Variants in SMC1B observed in about 807,000 individuals in gnomAD.
The protein encoded by SMC1B is structural maintenance of chromosomes 1B, also known as structural maintenance of chromosomes protein 1B.
In SMC1B, 60 loss-of-function variants were observed where a neutral mutation model predicts 157.9. The ratio of observed to expected loss-of-function variants is 0.38; its 90% confidence interval spans 0.31 to 0.47. The LOEUF (loss-of-function observed/expected upper bound fraction) is 0.47. SMC1B is among the 20% of genes least tolerant of loss of function. The probability of loss-of-function intolerance (pLI) is 0.99; values close to 1 mark genes in which losing one functional copy is unlikely to be tolerated. For missense variants in SMC1B, 1,165 were observed against 1,426.2 expected, an observed-to-expected ratio of 0.82 and a Z score of 2.95; for synonymous variants, 445 against 483.0, an observed-to-expected ratio of 0.92 and a Z score of 1.03.
chr22:45,388,986 CAAAAA>C (rs371475132), intron 10 of SMC1B, among the ~76,000 whole-genome samples: 2 of 54,472 alleles, frequency 3.7e-5, no homozygotes, highest in African/African-American at 1.3e-4. Context: ...GACTCTGCCT[CAAAAA>C]AAAAAAAAAA....
intron 23 of SMC1B, among the ~76,000 whole-genome samples, chr22:45,345,893 A>G (rs970884777): frequency 6.6e-6 from 1 of 152,178 alleles, no homozygotes; most frequent in Non-Finnish European, 1.5e-5. Context: ...AGGGTGAAAA[A>G]GGGCTGGTAT....
chr22:45,360,404 T>C (rs1014231997), intron 17 of SMC1B, among the ~76,000 whole-genome samples: 1 of 151,476 alleles, frequency 6.6e-6, no homozygotes, highest in Non-Finnish European at 1.5e-5. Flanking sequence ...CTAATCGAAA[T>C]GATGTGAGAT....
At chr22:45,353,274 A>AAAAG (rs1399848387) in intron 21 of SMC1B, among the ~76,000 whole-genome samples, 1 of 109,172 alleles carries the variant, frequency 9.2e-6, no homozygotes, top group Non-Finnish European at 1.8e-5. Flanking sequence ...AAAAAAAAAA[A>AAAAG]AAAGAAAGAA....
intron 5 of SMC1B, among the ~76,000 whole-genome samples, chr22:45,400,177 C>T (rs562377984): frequency 2.6e-5 from 4 of 152,132 alleles, no homozygotes; most frequent in Non-Finnish European, 5.9e-5. Context: ...AACGAACACA[C>T]CTACCACCTA....
chr22:45,394,450 G>T (rs2087099288), intron 8 of SMC1B, among the ~76,000 whole-genome samples: 1 of 152,050 alleles, frequency 6.6e-6, no homozygotes, highest in Non-Finnish European at 1.5e-5. Context: ...GATCAGCCTG[G>T]GCAACATGGT....
intron 12 of SMC1B, among the ~76,000 whole-genome samples, chr22:45,380,812 G>A (rs1313294560): frequency 6.6e-6 from 1 of 152,142 alleles, no homozygotes; most frequent in East Asian, 1.9e-4. Context: ...TGTAGTCCCA[G>A]CTACTTGGGT....
chr22:45,413,247 G>A (rs2087373150), intron 1 of SMC1B, among the ~76,000 whole-genome samples: 1 of 152,080 alleles, frequency 6.6e-6, no homozygotes, highest in African/African-American at 2.4e-5. Context: ...CGGGACCCCT[G>A]AGGTGGACGG....
chr22:45,345,565 G>A lies in SMC1B; in HGVS notation c.3500C>T (p.Ser1167Leu). Reference sequence around the variant, plus strand: ...TTGAGTTTGCTCTTTGATGTAACTTGACACCTGGAAGAAATAAAAACACAC... The same window carrying A: ...TTGAGTTTGCTCTTTGATGTAACTTAACACCTGGAAGAAATAAAAACACAC... Reference protein sequence around the residue: ...ALDNTNIGKVSSYIKEQTQDQ... With the variant: ...ALDNTNIGKVLSYIKEQTQDQ... Residue 1167 changes from serine to leucine, a missense_variant, in exon 24 of 25, where the codon TCA becomes TTA. Transcript: ENST00000357450. 1.9e-6 allele frequency: 3 copies of A among 1,591,240 alleles called. No homozygotes were observed. The South Asian group carries it at 3.3e-5, about 18-fold the overall frequency.
chr22:45,358,943 T>G, intron 18 of SMC1B, 148 bp from the exon 19 acceptor site: 1 of 465,458 alleles, frequency 2.1e-6, no homozygotes, highest in Non-Finnish European at 3.8e-6. Flanking sequence ...ATAAAAAAGT[T>G]TGAAAGATTT....
intron 21 of SMC1B, 70 bp downstream of exon 21, chr22:45,353,908 A>C (rs905246119): frequency 2.5e-5 from 17 of 675,014 alleles, no homozygotes; most frequent in Admixed American, 1.9e-4. Flanking sequence ...AAAAAAAAAA[A>C]AAAAAAAAAA....
chr22:45,351,560 A>G (rs2086615282), intron 22 of SMC1B, among the ~76,000 whole-genome samples: 1 of 152,162 alleles, frequency 6.6e-6, no homozygotes, highest in African/African-American at 2.4e-5. Flanking sequence ...TTATGCATAT[A>G]TTTTTTGAGA....
chr22:45,357,010 G>A (rs1353883987), intron 19 of SMC1B, among the ~76,000 whole-genome samples: 2 of 152,172 alleles, frequency 1.3e-5, no homozygotes, highest in Non-Finnish European at 2.9e-5. Context: ...TGGGATTACA[G>A]GCGTGAGCCA....
chr22:45,394,686 T>C lies in SMC1B; in HGVS notation c.1336A>G (p.Met446Val), dbSNP rs1463860364. Reference protein sequence around the residue: ...EKLEEYTKTCMDCLKEKKQQE... With the variant: ...EKLEEYTKTCVDCLKEKKQQE... ...AGAAATTTTTTTTACTCTACCTACA[T>C]GCATGTCTTTGTATACTCCTCTAAC... The change falls in exon 8 of 25, where the codon ATG (methionine) becomes GTG (valine). Residue 446 changes from methionine (M) to valine (V), a missense_variant and splice_region_variant. Transcript: ENST00000357450. 4 of 1,544,496 alleles carry C rather than the reference T, an allele frequency of 2.6e-6. No individual in the cohort carries two copies.
At chr22:45,373,827 T>C (rs2086857626) in intron 12 of SMC1B, among the ~76,000 whole-genome samples, 1 of 152,200 alleles carries the variant, frequency 6.6e-6, no homozygotes, top group Non-Finnish European at 1.5e-5. Flanking sequence ...TTAAAATAAT[T>C]AGGCAAATGT....
chr22:45,413,516 G>T lies in SMC1B; in HGVS notation c.52C>A (p.Arg18Ser). 1 of 1,605,146 alleles carries T rather than the reference G, an allele frequency of 6.2e-7. No individual in the cohort carries two copies. The highest frequency in any genetic ancestry group is 8.5e-7 in the Non-Finnish European group (1 of 1,175,756). Reference sequence around the variant, plus strand: ...CTCCGGAAGGGGCCAATGACCTGGCGGCCCCGCCACGACTTGAAATTTTCC... The same window carrying T: ...CTCCGGAAGGGGCCAATGACCTGGCTGCCCCGCCACGACTTGAAATTTTCC... ...LVENFKSWRG[R>S]QVIGPFRRFT... Residue 18 changes from arginine to serine, a missense_variant, in exon 1 of 25, where the codon CGC (arginine) becomes AGC (serine). Coordinates refer to ENST00000357450, the MANE Select transcript of SMC1B (RefSeq NM_148674.5).
In SMC1B at chr22:45,371,576, C is replaced by T. The variant is rs2086832337; in HGVS notation, c.2208G>A (p.Gln736=). The T allele has an allele frequency of 6.3e-7, 1 of 1,585,126 alleles. No individual in the cohort carries two copies. Among genetic ancestry groups the T allele is most frequent in the African/African-American group, 1.4e-5 (1 of 73,210 alleles). ...CAATATTTAGTAGTTCACTTTGTAA[C>T]TGAGATTGTTCCTAATAACAAAAGA... ...HLVAFYQEQS[Q]LQSELLNIES... The change falls in exon 14 of 25, where the codon CAG becomes CAA. Residue 736 remains glutamine (Q), a synonymous_variant. Transcript: ENST00000357450.
chr22:45,392,912 GCTGGT>G (rs1387917070), intron 9 of SMC1B, among the ~76,000 whole-genome samples: 1 of 152,126 alleles, frequency 6.6e-6, no homozygotes. Context: ...TGTTGGCCAG[GCTGGT>G]CTCAAACTCC....
intron 15 of SMC1B, among the ~76,000 whole-genome samples, chr22:45,366,945 C>T (rs1301318663): frequency 6.6e-6 from 1 of 152,104 alleles, no homozygotes; most frequent in Non-Finnish European, 1.5e-5. Context: ...AGGAATTTTC[C>T]AGTTCAGCAA....
intron 19 of SMC1B, among the ~76,000 whole-genome samples, chr22:45,355,412 C>T (rs2086660168): frequency 2.6e-5 from 4 of 152,172 alleles, no homozygotes; most frequent in Admixed American, 2.6e-4. Context: ...ATGTATTACA[C>T]TGAGGATTCA....
Sources: gnomAD v4.1 joint callset for allele counts (sites outside exome capture counted in the v4.1 genomes callset) on GRCh38, gnomAD v4.1.1 for gene constraint, MANE v1.5 for transcripts, NCBI Gene and HGNC (gene_info 2026-07-23, HGNC 2026-07-21) for gene names.